Variants in SCAPER observed in about 807,000 individuals in gnomAD.
SCAPER encodes S phase cyclin A-associated protein in the endoplasmic reticulum.
A neutral mutation model predicts 182.2 loss-of-function variants in SCAPER; 98 were observed. The observed-to-expected ratio is 0.54, with a 90% CI of 0.46 to 0.64. SCAPER has a LOEUF of 0.64. Ranked by LOEUF, SCAPER falls within the 30% of genes least tolerant of loss-of-function variation. The probability of loss-of-function intolerance (pLI) is 0.00; values close to 1 mark genes in which losing one functional copy is unlikely to be tolerated. For missense variants in SCAPER, 1,432 were observed against 1,690.0 expected, an observed-to-expected ratio of 0.85 and a Z score of 2.68; for synonymous variants, 605 against 564.6, an observed-to-expected ratio of 1.07 and a Z score of -1.01.
At chr15:76,651,257 G>A (rs1237095458) in intron 21 of SCAPER, among the ~76,000 whole-genome samples, 1 of 151,968 alleles carries the variant, frequency 6.6e-6, no homozygotes, top group East Asian at 1.9e-4. Context: ...AGATCGGGGG[G>A]AACGAAGGAA....
At chr15:76,566,487 T>A (rs569096579) in intron 23 of SCAPER, among the ~76,000 whole-genome samples, 14 of 152,184 alleles carry the variant, frequency 9.2e-5, no homozygotes, top group African/African-American at 3.4e-4. Flanking sequence ...GCTTAAACTG[T>A]TTACTTATAG....
intron 21 of SCAPER, among the ~76,000 whole-genome samples, chr15:76,629,010 A>T (rs2052842645): frequency 6.6e-6 from 1 of 152,150 alleles, no homozygotes; most frequent in African/African-American, 2.4e-5. Flanking sequence ...CTGTATTCCT[A>T]GTATTTTATT....
chr15:76,529,467 T>C lies in SCAPER; in HGVS notation c.2839-24493A>G, dbSNP rs114848704. Among the ~76,000 whole-genome samples, 550 of 152,310 alleles carry C rather than the reference T, an allele frequency of 3.6e-3. 2 individuals carry two copies. Among genetic ancestry groups the C allele is most frequent in the African/African-American group, 0.013 (528 of 41,562 alleles). On this transcript the variant is annotated intron_variant, in intron 23 of 31. Coordinates refer to ENST00000563290, the MANE Select transcript of SCAPER (RefSeq NM_020843.4). ...AAGAAAGTCATTAGCAATATGGTAG[T>C]ATGTTAGATGGTCAGATGTAGTCCT... is the stretch of plus-strand genomic sequence containing the variant.
chr15:76,527,306 C>T (rs533337136), intron 23 of SCAPER, among the ~76,000 whole-genome samples: 2 of 152,128 alleles, frequency 1.3e-5, no homozygotes, highest in Non-Finnish European at 2.9e-5. Context: ...TTTGCAGGTG[C>T]ATTTTGGGTG....
intron 1 of SCAPER, among the ~76,000 whole-genome samples, chr15:76,885,810 CCAAA>C (rs1348414725): frequency 6.6e-6 from 1 of 152,150 alleles, no homozygotes; most frequent in Admixed American, 6.5e-5. Context: ...CATAACCCTA[CCAAA>C]CAAAGAAAAG....
At chr15:76,415,696 C>A (rs1270218561) in intron 26 of SCAPER, among the ~76,000 whole-genome samples, 2 of 152,020 alleles carry the variant, frequency 1.3e-5, no homozygotes, top group East Asian at 1.9e-4. Flanking sequence ...AAGATAGATA[C>A]ACACACATAC....
intron 5 of SCAPER, among the ~76,000 whole-genome samples, chr15:76,833,567 G>A (rs1245062683): frequency 6.6e-6 from 1 of 152,166 alleles, no homozygotes; most frequent in Non-Finnish European, 1.5e-5. Context: ...GGCACAGAGT[G>A]GTGAGCTGGA....
At chr15:76,646,297 C>T (rs564469188) in intron 21 of SCAPER, among the ~76,000 whole-genome samples, 1 of 152,102 alleles carries the variant, frequency 6.6e-6, no homozygotes. Context: ...TCATTCCTCT[C>T]TCTGCCCCAT....
intron 5 of SCAPER, among the ~76,000 whole-genome samples, chr15:76,808,280 A>G (rs1204834680): frequency 2.0e-5 from 3 of 152,206 alleles, no homozygotes; most frequent in African/African-American, 7.2e-5. Context: ...GACCTCCAGA[A>G]GCCTCAAGGG....
At chr15:76,709,729 G>A (rs1379940731) in intron 17 of SCAPER, among the ~76,000 whole-genome samples, 2 of 152,138 alleles carry the variant, frequency 1.3e-5, no homozygotes, top group African/African-American at 4.8e-5. Flanking sequence ...ACAAAAGCCA[G>A]ACAAAAACAT....
intron 3 of SCAPER, chr15:76,861,892 AAGG>A (rs2071903875): frequency 6.6e-6 from 1 of 152,290 alleles, no homozygotes; most frequent in South Asian, 2.1e-4. Flanking sequence ...ATCATGGTGG[AAGG>A]AGAAGGGCAA....
At chr15:76,426,211 G>A (rs1377851505) in intron 26 of SCAPER, among the ~76,000 whole-genome samples, 1 of 152,242 alleles carries the variant, frequency 6.6e-6, no homozygotes, top group Non-Finnish European at 1.5e-5. Flanking sequence ...GCCCCCAGAG[G>A]TGGAGTCTAC....
intron 20 of SCAPER, among the ~76,000 whole-genome samples, chr15:76,684,318 T>A (rs1462081570): frequency 1.3e-5 from 2 of 152,078 alleles, no homozygotes; most frequent in Admixed American, 1.3e-4. Context: ...AAGACACCCA[T>A]CTCACATGCA....
At chr15:76,762,139 C>T (rs1360046097) in intron 14 of SCAPER, among the ~76,000 whole-genome samples, 3 of 152,064 alleles carry the variant, frequency 2.0e-5, no homozygotes, top group East Asian at 1.9e-4. Context: ...GATATTCCTT[C>T]GTGTTCAGCC....
intron 23 of SCAPER, among the ~76,000 whole-genome samples, chr15:76,560,251 C>A (rs535952936): frequency 6.6e-6 from 1 of 152,120 alleles, no homozygotes; most frequent in Non-Finnish European, 1.5e-5. Flanking sequence ...AGGGAGTAAT[C>A]CTATCCTACT....
chr15:76,792,034 CAA>C (rs529260582), intron 8 of SCAPER, among the ~76,000 whole-genome samples: 1 of 95,002 alleles, frequency 1.1e-5, no homozygotes. Context: ...TCTTGCCAGA[CAA>C]AAAAAAAAAC....
chr15:76,586,053 T>A (rs2048631724), intron 22 of SCAPER, among the ~76,000 whole-genome samples: 1 of 152,190 alleles, frequency 6.6e-6, no homozygotes, highest in Admixed American at 6.5e-5. Context: ...TGCTGTAAGA[T>A]CAATATTTTC....
chr15:76,397,304 T>C (rs1003438912), intron 27 of SCAPER, among the ~76,000 whole-genome samples: 14 of 152,112 alleles, frequency 9.2e-5, no homozygotes, highest in Admixed American at 7.2e-4. Flanking sequence ...GTTTCTCTGA[T>C]TTTGACATCA....
chr15:76,556,197 C>G (rs1472759907), intron 23 of SCAPER, among the ~76,000 whole-genome samples: 2 of 152,046 alleles, frequency 1.3e-5, no homozygotes, highest in African/African-American at 2.4e-5. Flanking sequence ...GAAAATAAGG[C>G]AGAAATGAAA....
Sources: allele counts gnomAD v4.1 joint callset (sites outside exome capture counted in the v4.1 genomes callset), GRCh38; gene constraint gnomAD v4.1.1; transcripts MANE v1.5; gene names NCBI Gene and HGNC (gene_info 2026-07-23, HGNC 2026-07-21).